The following CCDC85C variants were observed in gnomAD, a reference collection of about 807,000 sequenced individuals.
CCDC85C encodes coiled-coil domain containing 85C.
In CCDC85C, 18 loss-of-function variants were observed where a neutral mutation model predicts 38.3. That is an observed-to-expected ratio of 0.47 (90% CI 0.33 to 0.70). CCDC85C has a LOEUF of 0.70. Among genes scored for constraint, CCDC85C ranks in the 30% least tolerant of loss-of-function variants. The pLI, the probability that CCDC85C is intolerant of heterozygous loss-of-function variation, is 0.03. For synonymous variants in CCDC85C, 264 were observed against 293.8 expected, an observed-to-expected ratio of 0.90 and a Z score of 1.04; for missense variants, 566 against 621.2, an observed-to-expected ratio of 0.91 and a Z score of 0.94.
In CCDC85C at chr14:99,520,901, C is replaced by T. The variant is rs1443273676; in HGVS notation, c.975+1232G>A. The stretch of plus-strand genomic sequence containing the variant: ...GCCTCCTCCAGGAAGCCTTCCTGAA[C>T]ATTCCTGAACTCTGACAGCATTTTA... On this transcript the variant is annotated intron_variant, in intron 3 of 5. Transcript: ENST00000380243. This position sits in a 1 kb window ranked among gnomAD's most constrained non-coding sequence, Gnocchi z 4.1. 6.6e-6 allele frequency among the ~76,000 whole-genome samples: 1 copy of T among 152,262 alleles called. No individual in the cohort carries two copies. Among genetic ancestry groups the T allele is most frequent in the African/African-American group, 2.4e-5 (1 of 41,478 alleles).
At chr14:99,547,887 C>T (rs1020101087) in intron 1 of CCDC85C, among the ~76,000 whole-genome samples, 41 of 150,952 alleles carry the variant, frequency 2.7e-4, no homozygotes, top group African/African-American at 4.4e-4. Context: ...TACATATATA[C>T]ACACACACAC....
At chr14:99,552,117 A>G (rs12882605) in intron 1 of CCDC85C, among the ~76,000 whole-genome samples, 80,838 of 152,062 alleles carry the variant, frequency 0.53, 21,685 homozygotes, top group African/African-American at 0.58. Context: ...AGGCTCAGGA[A>G]GGAGTGGAGG....
chr14:99,522,408 C>A (rs1256324016), intron 2 of CCDC85C, 168 bp from the exon 3 acceptor site: 1 of 554,614 alleles, frequency 1.8e-6, no homozygotes, highest in Non-Finnish European at 3.2e-6. Context: ...CGGGATCAAT[C>A]GATCTTCACT....
rs368666650 is a variant in CCDC85C, at chr14:99,526,433, G to A, written c.868-4193C>T. 9.2e-5 allele frequency among the ~76,000 whole-genome samples: 14 copies of A among 152,370 alleles called. No individual in the cohort carries two copies. In the South Asian group the frequency reaches 2.9e-3, roughly 32 times the overall value. On this transcript the variant is annotated intron_variant, in intron 2 of 5. Transcript: ENST00000380243. ...GGGATGGGAGCCAGGTTGGAGGACA[G>A]GGAGCTGGAGAGAGCTCCTTCCAGT...
chr14:99,515,870 G>A (rs2139895270), intron 5 of CCDC85C, among the ~76,000 whole-genome samples: 2 of 152,158 alleles, frequency 1.3e-5, no homozygotes, highest in Middle Eastern at 3.4e-3. Flanking sequence ...CCAGCACCCA[G>A]GGAACACCTG....
intron 1 of CCDC85C, among the ~76,000 whole-genome samples, chr14:99,589,310 A>G (rs1313538720): frequency 6.6e-6 from 1 of 152,158 alleles, no homozygotes; most frequent in Non-Finnish European, 1.5e-5. Context: ...CTGGGCGCCC[A>G]GGGTAACCAG....
intron 1 of CCDC85C, among the ~76,000 whole-genome samples, chr14:99,555,010 T>G (rs896998959): frequency 6.6e-6 from 1 of 152,144 alleles, no homozygotes; most frequent in East Asian, 1.9e-4. Flanking sequence ...TTAAGAAAGG[T>G]ATGAGCAAGA....
chr14:99,520,634 A>C lies in CCDC85C; in HGVS notation c.975+1499T>G, dbSNP rs1249773968. Among the ~76,000 whole-genome samples, 2 of 151,228 alleles carry C rather than the reference A, an allele frequency of 1.3e-5. No homozygotes were observed. Among genetic ancestry groups the C allele is most frequent in the Admixed American group, 6.6e-5 (1 of 15,226 alleles). ...CGACCAGCCCTGATCATGGCCCCTG[A>C]ACCTCAGTTTATCACCCGGCCTCCT... On this transcript the variant is annotated intron_variant, in intron 3 of 5. Coordinates refer to ENST00000380243, the MANE Select transcript of CCDC85C (RefSeq NM_001144995.2). This position sits in a 1 kb window ranked among gnomAD's most constrained non-coding sequence, Gnocchi z 4.1.
chr14:99,522,260 A>G lies in CCDC85C; in HGVS notation c.868-20T>C. ...TGCCTGCTGCAGGGGAGAGAAGGAG[A>G]GGGGTTAGACGGAGGGCCAGGCTGA... On this transcript the variant is annotated intron_variant, in intron 2 of 5. Coordinates refer to ENST00000380243, the MANE Select transcript of CCDC85C (RefSeq NM_001144995.2). 2 of 1,531,300 alleles carry G rather than the reference A, an allele frequency of 1.3e-6. No homozygotes were observed. The highest frequency in any genetic ancestry group is 2.5e-5 in the East Asian group (1 of 40,732). The allele number at this position is 1,531,300 out of a possible 1,614,324, so 94.9% of individuals were successfully genotyped here. A position where few individuals can be genotyped will look rare whatever the true frequency, so the allele number is the denominator to read the frequency against.
intron 1 of CCDC85C, among the ~76,000 whole-genome samples, chr14:99,591,323 G>T (rs1047626154): frequency 1.3e-5 from 2 of 152,252 alleles, no homozygotes; most frequent in African/African-American, 4.8e-5. Context: ...AAGACACGTG[G>T]ACCCCCACAT....
intron 1 of CCDC85C, among the ~76,000 whole-genome samples, chr14:99,589,369 C>G (rs1244745457): frequency 3.3e-5 from 5 of 152,180 alleles, no homozygotes; most frequent in Admixed American, 6.5e-5. Context: ...CCTTTGTGTT[C>G]TGTGTGGAGC....
intron 2 of CCDC85C, among the ~76,000 whole-genome samples, chr14:99,532,205 A>C (rs1897506787): frequency 6.6e-6 from 1 of 152,210 alleles, no homozygotes; most frequent in Non-Finnish European, 1.5e-5. Flanking sequence ...GGACTGAGAG[A>C]GCTCAGGGCA....
At chr14:99,543,847 T>C (rs932268958) in intron 1 of CCDC85C, among the ~76,000 whole-genome samples, 1 of 152,054 alleles carries the variant, frequency 6.6e-6, no homozygotes, top group Non-Finnish European at 1.5e-5. Context: ...GGGCATCGGG[T>C]TCCTGTGAGG....
At chr14:99,532,933 C>T (rs1897522448) in intron 2 of CCDC85C, among the ~76,000 whole-genome samples, 1 of 152,108 alleles carries the variant, frequency 6.6e-6, no homozygotes, top group African/African-American at 2.4e-5. Flanking sequence ...AGGCACGTGC[C>T]ACCCTGCAAG....
chr14:99,546,871 G>C (rs1395195156), intron 1 of CCDC85C, among the ~76,000 whole-genome samples: 1 of 152,162 alleles, frequency 6.6e-6, no homozygotes, highest in Admixed American at 6.5e-5. Flanking sequence ...AGAGTTCTAT[G>C]TGAAAAAACT....
chr14:99,522,445 A>G, intron 2 of CCDC85C: 1 of 512,822 alleles, frequency 1.9e-6, no homozygotes, highest in Non-Finnish European at 3.5e-6. Flanking sequence ...TCAGCGATCC[A>G]CTCTCCAACG....
chr14:99,559,589 G>T (rs541544800), intron 1 of CCDC85C, among the ~76,000 whole-genome samples: 1 of 152,106 alleles, frequency 6.6e-6, no homozygotes, highest in Non-Finnish European at 1.5e-5. Flanking sequence ...CCTCCAAACC[G>T]ATCACAACTT....
chr14:99,513,583 G>C lies in CCDC85C; in HGVS notation c.*1663C>G, dbSNP rs1194708032. Reference sequence around the variant, plus strand: ...GCAAACGGGCAGCAAGAACTGCTCAGAATAGAGCCGCCAGCTAGGGAGAGG... The same window carrying C: ...GCAAACGGGCAGCAAGAACTGCTCACAATAGAGCCGCCAGCTAGGGAGAGG... On this transcript the variant is annotated 3_prime_UTR_variant, in exon 6 of 6. Coordinates refer to ENST00000380243, the MANE Select transcript of CCDC85C (RefSeq NM_001144995.2). 6.6e-6 allele frequency: 1 copy of C among 152,296 alleles called. No individual in the cohort carries two copies. Among genetic ancestry groups the C allele is most frequent in the Non-Finnish European group, 1.5e-5 (1 of 68,098 alleles). The allele number at this position is 152,296 out of a possible 1,614,324, so 9.4% of individuals were successfully genotyped here.
rs185889893 is a variant in CCDC85C at position 99,500,401 on chromosome 14, T to G, written c.*14845A>C. 1 of 204,906 alleles carries G rather than the reference T, an allele frequency of 4.9e-6. No homozygotes were observed. Among genetic ancestry groups the G allele is most frequent in the Non-Finnish European group, 9.9e-6 (1 of 100,888 alleles). 12.7% of individuals were successfully genotyped at this position (204,906 alleles called of 1,614,324 possible). ...TTTTCAATGAAAATTCCTAAAAGATTGCATTTTTAAAATTTGAGGTCTTGA... is the reference window on the plus strand; with the variant it reads ...TTTTCAATGAAAATTCCTAAAAGATGGCATTTTTAAAATTTGAGGTCTTGA... On this transcript the variant is annotated 3_prime_UTR_variant, in exon 6 of 6. Coordinates refer to ENST00000380243, the MANE Select transcript of CCDC85C (RefSeq NM_001144995.2).
Sources: allele counts gnomAD v4.1 joint callset (sites outside exome capture counted in the v4.1 genomes callset), GRCh38; gene constraint gnomAD v4.1.1; non-coding constraint Gnocchi (gnomAD v3.1); transcripts MANE v1.5; gene names NCBI Gene and HGNC (gene_info 2026-07-23, HGNC 2026-07-21).